The following EYS variants were observed in gnomAD, a reference collection of about 807,000 sequenced individuals.
The protein encoded by EYS is protein eyes shut homolog.
A neutral mutation model predicts 282.1 loss-of-function variants in EYS; 250 were observed. That is an observed-to-expected ratio of 0.89 (90% CI 0.80 to 0.98). The LOEUF (loss-of-function observed/expected upper bound fraction) is 0.98, where lower values mean the gene tolerates loss of function less well. Among genes scored for constraint, EYS ranks in the 50% least tolerant of loss-of-function variants. The pLI is 0.00. For missense variants in EYS, 4,016 were observed against 3,709.0 expected (o/e 1.08, Z -2.15); for synonymous variants, 1,355 against 1,282.9 (o/e 1.06, Z -1.20).
At chr6:64,725,360 G>C (rs556930041) in intron 22 of EYS, among the ~76,000 whole-genome samples, 14 of 151,908 alleles carry the variant, frequency 9.2e-5, no homozygotes, top group African/African-American at 3.1e-4. Flanking sequence ...CTTTCCTATC[G>C]TGTTCTCCCA....
chr6:65,019,446 C>T (rs181114588), intron 13 of EYS, among the ~76,000 whole-genome samples: 125 of 152,264 alleles, frequency 8.2e-4, no homozygotes, highest in Admixed American at 2.0e-3. Flanking sequence ...CAAACCCTTG[C>T]TTGATCCTTA....
At chr6:65,116,951 T>G (rs780617654) in intron 12 of EYS, among the ~76,000 whole-genome samples, 14 of 152,104 alleles carry the variant, frequency 9.2e-5, no homozygotes, top group Non-Finnish European at 1.5e-4. Context: ...TTTCAAGCCC[T>G]TATCAATGTC....
intron 12 of EYS, among the ~76,000 whole-genome samples, chr6:65,272,496 C>T (rs1767932357): frequency 1.3e-5 from 2 of 152,102 alleles, no homozygotes; most frequent in African/African-American, 2.4e-5. Flanking sequence ...CCCAGCCATT[C>T]TGCATCAATC....
At chr6:63,974,341 T>A (rs1766730189) in intron 35 of EYS, among the ~76,000 whole-genome samples, 2 of 152,036 alleles carry the variant, frequency 1.3e-5, no homozygotes, top group Admixed American at 1.3e-4. Flanking sequence ...TAATAAATAG[T>A]TTTTGAAGGA....
chr6:64,716,386 A>T (rs1771393134), intron 22 of EYS, among the ~76,000 whole-genome samples: 1 of 152,164 alleles, frequency 6.6e-6, no homozygotes. Context: ...GTGTTCATGC[A>T]CCTCCTGAAA....
rs369729871 is a variant in EYS, at chr6:64,550,853, C to T, written c.5644+39370G>A. Among the ~76,000 whole-genome samples the T allele has an allele frequency of 4.3e-4, 65 of 152,190 alleles. 1 individual carries two copies. The highest frequency in any genetic ancestry group is 2.7e-3 in the East Asian group (14 of 5,168). On this transcript the variant is annotated intron_variant, in intron 26 of 42. Coordinates refer to ENST00000503581, the MANE Select transcript of EYS (RefSeq NM_001142800.2). ...GAGAGCCAAATCATGAGTGAACTCC[C>T]ATTCACAATTGCTTCAAAGAGAATA...
At chr6:65,239,266 TTAA>T (rs1300822712) in intron 12 of EYS, among the ~76,000 whole-genome samples, 1 of 152,028 alleles carries the variant, frequency 6.6e-6, no homozygotes, top group African/African-American at 2.4e-5. Context: ...AATTTTTAAA[TTAA>T]TAAAGCATTT....
intron 35 of EYS, among the ~76,000 whole-genome samples, chr6:63,923,788 C>T (rs1764639713): frequency 6.6e-6 from 1 of 152,118 alleles, no homozygotes. Flanking sequence ...TCTATGAGTA[C>T]CCATTGTTTA....
intron 12 of EYS, among the ~76,000 whole-genome samples, chr6:65,142,242 T>C (rs1019135579): frequency 6.6e-6 from 1 of 152,018 alleles, no homozygotes; most frequent in Non-Finnish European, 1.5e-5. Context: ...TTATTTCTCT[T>C]TAGTTTGAAG....
intron 26 of EYS, among the ~76,000 whole-genome samples, chr6:64,481,930 A>G (rs532292571): frequency 6.6e-6 from 1 of 151,832 alleles, no homozygotes; most frequent in South Asian, 2.1e-4. Context: ...TTCAGCTACT[A>G]ATACCAAAAA....
chr6:63,879,184 A>T (rs956770581), intron 35 of EYS, among the ~76,000 whole-genome samples: 1 of 152,172 alleles, frequency 6.6e-6, no homozygotes, highest in Non-Finnish European at 1.5e-5. Flanking sequence ...CTTGAAACTG[A>T]AGAATATATA....
At chr6:63,988,304 C>T (rs1358200165) in intron 34 of EYS, among the ~76,000 whole-genome samples, 1 of 151,606 alleles carries the variant, frequency 6.6e-6, no homozygotes, top group Non-Finnish European at 1.5e-5. Flanking sequence ...ACTGTTTTGA[C>T]AAGTGTGCTC....
At chr6:65,555,488 T>A in intron 2 of EYS, among the ~76,000 whole-genome samples, 1 of 152,258 alleles carries the variant, frequency 6.6e-6, no homozygotes, top group Non-Finnish European at 1.5e-5. Context: ...TTATTATACA[T>A]TTATTCAAGA....
intron 35 of EYS, among the ~76,000 whole-genome samples, chr6:63,963,562 C>T (rs543955395): frequency 9.2e-5 from 14 of 152,158 alleles, no homozygotes; most frequent in South Asian, 4.2e-4. Context: ...CTCACAGGAC[C>T]GAGAGGTGGC....
At chr6:64,100,633 A>C (rs543872973) in intron 31 of EYS, among the ~76,000 whole-genome samples, 1 of 152,274 alleles carries the variant, frequency 6.6e-6, no homozygotes, top group South Asian at 2.1e-4. Context: ...TTACATTTGC[A>C]AAAGTAAACT....
rs538088230 is a variant in EYS, at chr6:63,738,893, C to T, written c.8072-12213G>A. Reference sequence around the variant, plus strand: ...ACCCACTAGCAGCATTAACTTTCATCGATGACTCCAGCAGGAATTAACTAC... The same window carrying T: ...ACCCACTAGCAGCATTAACTTTCATTGATGACTCCAGCAGGAATTAACTAC... On this transcript the variant is annotated intron_variant, in intron 41 of 42. Transcript: ENST00000503581. Among the ~76,000 whole-genome samples, 201 of 152,236 alleles carry T rather than the reference C, an allele frequency of 1.3e-3. 2 individuals are homozygous for T. The highest frequency in any genetic ancestry group is 0.01 in the Middle Eastern group (3 of 294).
chr6:65,183,188 T>C (rs562027265), intron 12 of EYS, among the ~76,000 whole-genome samples: 121 of 152,164 alleles, frequency 8.0e-4, no homozygotes, highest in African/African-American at 2.9e-3. Flanking sequence ...TATTTTTTCG[T>C]ATAGTTATTA....
At chr6:64,240,934 C>T (rs1486630682) in intron 30 of EYS, among the ~76,000 whole-genome samples, 1 of 152,090 alleles carries the variant, frequency 6.6e-6, no homozygotes, top group African/African-American at 2.4e-5. Context: ...CCATCACTGC[C>T]TAGTTTATTG....
chr6:65,154,383 T>C (rs778144432), intron 12 of EYS, among the ~76,000 whole-genome samples: 22 of 151,332 alleles, frequency 1.5e-4, no homozygotes, highest in Non-Finnish European at 2.4e-4. Context: ...TACTGAAAAA[T>C]AGAAAATGTA....
Sources: gnomAD v4.1 joint callset for allele counts (sites outside exome capture counted in the v4.1 genomes callset) on GRCh38, gnomAD v4.1.1 for gene constraint, MANE v1.5 for transcripts, NCBI Gene and HGNC (gene_info 2026-07-23, HGNC 2026-07-21) for gene names.